ATG10: variants seen among roughly 807,000 people sequenced by gnomAD.
ATG10 encodes autophagy related 10, also known as ubiquitin-like-conjugating enzyme ATG10.
In ATG10, 30 loss-of-function variants were observed where a neutral mutation model predicts 32.1. That is an observed-to-expected ratio of 0.94 (90% CI 0.70 to 1.27). The LOEUF is 1.27. ATG10 is among the 50% of genes most tolerant of loss of function. The pLI is 0.00. For missense variants in ATG10, 233 were observed against 262.3 expected, an observed-to-expected ratio of 0.89 and a Z score of 0.77; for synonymous variants, 87 against 91.5, an observed-to-expected ratio of 0.95 and a Z score of 0.28.
At chr5:82,049,161 A>G (rs1469349304) in intron 2 of ATG10, among the ~76,000 whole-genome samples, 2 of 151,612 alleles carry the variant, frequency 1.3e-5, no homozygotes, top group African/African-American at 4.8e-5. Context: ...ATGTCCAACA[A>G]TGATAGACTG....
chr5:82,201,208 C>G (rs1004026957), intron 5 of ATG10, among the ~76,000 whole-genome samples: 3 of 152,074 alleles, frequency 2.0e-5, no homozygotes, highest in African/African-American at 7.2e-5. Flanking sequence ...TTTAAATCTA[C>G]TGCACTTTTG....
rs551349978 is a variant in ATG10 at position 82,008,999 on chromosome 5, C to A, written c.108+21321C>A. Among the ~76,000 whole-genome samples the A allele has an allele frequency of 2.6e-5, 4 of 152,248 alleles. No individual in the cohort carries two copies. In the East Asian group the frequency reaches 7.7e-4, roughly 29 times the overall value. ...TTTTGTAGGTGAACAAAACCATAAT[C>A]GTATGAACCTAGAATGAGTTCAAAT... is the stretch of plus-strand genomic sequence containing the variant. On this transcript the variant is annotated intron_variant, in intron 2 of 7. Transcript: ENST00000282185.
chr5:81,983,897 A>C (rs1761163762), intron 1 of ATG10, among the ~76,000 whole-genome samples: 2 of 147,258 alleles, frequency 1.4e-5, no homozygotes, highest in Admixed American at 1.4e-4. Context: ...CCCACATCTC[A>C]GACTATGGGC....
chr5:82,098,849 A>G (rs1351205313), intron 3 of ATG10, among the ~76,000 whole-genome samples: 1 of 152,216 alleles, frequency 6.6e-6, no homozygotes, highest in Non-Finnish European at 1.5e-5. Flanking sequence ...ACCCAATTAC[A>G]TGGGTCTTTG....
chr5:82,079,869 G>T (rs143184839), intron 3 of ATG10, among the ~76,000 whole-genome samples: 2 of 152,072 alleles, frequency 1.3e-5, no homozygotes, highest in Admixed American at 6.5e-5. Context: ...ATAATCCTTT[G>T]GGTATATACC....
At chr5:82,159,434 A>G (rs1324947948) in intron 3 of ATG10, among the ~76,000 whole-genome samples, 4 of 152,148 alleles carry the variant, frequency 2.6e-5, no homozygotes, top group Non-Finnish European at 5.9e-5. Flanking sequence ...CAGGAAGTGT[A>G]TTGTTGTTTG....
intron 4 of ATG10, among the ~76,000 whole-genome samples, chr5:82,177,365 T>C (rs560708598): frequency 3.3e-5 from 5 of 152,286 alleles, no homozygotes; most frequent in African/African-American, 1.2e-4. Context: ...AAAGTCTTAA[T>C]ACAGTGATTT....
At chr5:82,065,019 A>T (rs1486509580) in intron 3 of ATG10, among the ~76,000 whole-genome samples, 1 of 152,182 alleles carries the variant, frequency 6.6e-6, no homozygotes, top group Non-Finnish European at 1.5e-5. Context: ...TGGCTTTGGG[A>T]AACAGTAGTT....
chr5:82,077,361 C>T (rs1241251294), intron 3 of ATG10, among the ~76,000 whole-genome samples: 1 of 152,018 alleles, frequency 6.6e-6, no homozygotes, highest in Non-Finnish European at 1.5e-5. Context: ...AAAAAATAGA[C>T]TAACAAAATA....
intron 5 of ATG10, among the ~76,000 whole-genome samples, chr5:82,220,619 ATC>A (rs199724495): frequency 3.3e-4 from 46 of 138,824 alleles, no homozygotes; most frequent in African/African-American, 1.1e-3. Flanking sequence ...CATGTACTCC[ATC>A]TCTCTCTCTC....
At chr5:82,082,847 T>C (rs987834229) in intron 3 of ATG10, among the ~76,000 whole-genome samples, 3 of 152,188 alleles carry the variant, frequency 2.0e-5, no homozygotes, top group Non-Finnish European at 4.4e-5. Flanking sequence ...TAAACAACTA[T>C]AGTAGAAAAT....
intron 5 of ATG10, among the ~76,000 whole-genome samples, chr5:82,193,318 T>C (rs1223934300): frequency 6.6e-6 from 1 of 152,228 alleles, no homozygotes; most frequent in Non-Finnish European, 1.5e-5. Context: ...ATTGAATACA[T>C]GTCTAAGTAG....
intron 2 of ATG10, among the ~76,000 whole-genome samples, chr5:81,993,360 C>CTTTCTTTCTTTCCTTCT: frequency 4.3e-5 from 2 of 46,770 alleles, no homozygotes; most frequent in Admixed American, 2.7e-4. Context: ...TCTTTCTTTC[C>CTTTCTTTCTTTCCTTCT]TTCTTTTCTT....
At chr5:82,085,233 G>T (rs1764636727) in intron 3 of ATG10, among the ~76,000 whole-genome samples, 1 of 150,690 alleles carries the variant, frequency 6.6e-6, no homozygotes, top group South Asian at 2.1e-4. Flanking sequence ...AAGAGACAAA[G>T]AAGGCCATTA....
intron 5 of ATG10, among the ~76,000 whole-genome samples, chr5:82,214,422 C>T (rs983448477): frequency 1.3e-5 from 2 of 152,086 alleles, no homozygotes; most frequent in African/African-American, 4.8e-5. Flanking sequence ...TAGCAGCAAA[C>T]GAAGACTACT....
chr5:82,041,574 A>G (rs1278623017), intron 2 of ATG10, among the ~76,000 whole-genome samples: 1 of 152,210 alleles, frequency 6.6e-6, no homozygotes, highest in Non-Finnish European at 1.5e-5. Flanking sequence ...AGGCTCCTAA[A>G]AAGATACAGA....
chr5:81,989,579 A>G (rs537942901), intron 2 of ATG10, among the ~76,000 whole-genome samples: 138 of 151,766 alleles, frequency 9.1e-4, no homozygotes, highest in Non-Finnish European at 1.6e-3. Context: ...TATATTTTAT[A>G]GTTTTGTTTG....
At chr5:81,974,607 CTTCTTTTGGTTTT>C (rs1760817367) in intron 1 of ATG10, among the ~76,000 whole-genome samples, 1 of 151,960 alleles carries the variant, frequency 6.6e-6, no homozygotes, top group Non-Finnish European at 1.5e-5. Context: ...TTTTTGGTTT[CTTCTTTTGGTTTT>C]TTAAGAAGTG....
intron 2 of ATG10, among the ~76,000 whole-genome samples, chr5:82,052,683 A>T (rs1001380655): frequency 3.3e-5 from 5 of 152,166 alleles, no homozygotes; most frequent in African/African-American, 4.8e-5. Context: ...CTTTCCGGAT[A>T]TATTCAGTGT....
Sources: allele counts gnomAD v4.1 joint callset (sites outside exome capture counted in the v4.1 genomes callset), GRCh38; gene constraint gnomAD v4.1.1; transcripts MANE v1.5; gene names NCBI Gene and HGNC (gene_info 2026-07-23, HGNC 2026-07-21).